MRPS6: variants seen among roughly 807,000 people sequenced by gnomAD.
MRPS6 encodes the protein small ribosomal subunit protein bS6m.
MRPS6 carries 6 observed loss-of-function variants against 13.1 expected under a neutral mutation model. The ratio of observed to expected loss-of-function variants is 0.46; its 90% CI spans 0.25 to 0.91. The LOEUF (loss-of-function observed/expected upper bound fraction) is 0.91. MRPS6 is among the 40% of genes least tolerant of loss of function. The pLI, the probability that MRPS6 is intolerant of heterozygous loss-of-function variation, is 0.18. For missense variants in MRPS6, 164 were observed against 155.6 expected (o/e 1.05, Z -0.29); for synonymous variants, 61 against 56.5 (o/e 1.08, Z -0.36).
chr21:34,127,549 G>C (rs1980351015), intron 2 of MRPS6, among the ~76,000 whole-genome samples: 1 of 152,220 alleles, frequency 6.6e-6, no homozygotes, highest in African/African-American at 2.4e-5. Flanking sequence ...TAATACTCGT[G>C]AACATTCTCC....
intron 1 of MRPS6, chr21:34,104,094 A>G: frequency 1.0e-6 from 1 of 999,928 alleles, no homozygotes; most frequent in South Asian, 4.7e-5. Flanking sequence ...TTTTTTGTGT[A>G]CGTTTGTATG....
At chr21:34,095,264 C>T in intron 1 of MRPS6, 1 of 1,614,080 alleles carries the variant, frequency 6.2e-7, no homozygotes, top group Non-Finnish European at 8.5e-7. Context: ...TGGTCATGTG[C>T]ATTGGTTTTT....
At chr21:34,132,673 C>G (rs1283276623) in intron 2 of MRPS6, among the ~76,000 whole-genome samples, 1 of 152,130 alleles carries the variant, frequency 6.6e-6, no homozygotes, top group Non-Finnish European at 1.5e-5. Flanking sequence ...GGTCTGGAGT[C>G]CGGAGCTTGA....
intron 1 of MRPS6, chr21:34,095,772 A>T: frequency 6.2e-7 from 1 of 1,614,036 alleles, no homozygotes; most frequent in Non-Finnish European, 8.5e-7. Flanking sequence ...GGCTCTGCTC[A>T]TGATCATTGG....
At chr21:34,094,065 G>A (rs1486497895) in intron 1 of MRPS6, among the ~76,000 whole-genome samples, 2 of 152,074 alleles carry the variant, frequency 1.3e-5, no homozygotes, top group Non-Finnish European at 2.9e-5. Flanking sequence ...AGGTTGTTTT[G>A]GAAATACTGC....
intron 1 of MRPS6, chr21:34,100,819 G>A (rs933711932): frequency 1.0e-6 from 1 of 1,000,062 alleles, no homozygotes; most frequent in African/African-American, 1.7e-5. Flanking sequence ...AATATCATTT[G>A]GTGTGGCCTG....
intron 1 of MRPS6, among the ~76,000 whole-genome samples, chr21:34,106,727 A>G (rs1310708921): frequency 1.3e-5 from 2 of 152,316 alleles, no homozygotes; most frequent in Middle Eastern, 3.4e-3. Context: ...TTTCTTAAGA[A>G]CAGTCACTCA....
intron 1 of MRPS6, chr21:34,100,594 C>CTCTTAGGGATGG: frequency 1.0e-6 from 1 of 1,000,212 alleles, no homozygotes; most frequent in African/African-American, 1.7e-5. Flanking sequence ...GTAGCCATAG[C>CTCTTAGGGATGG]TCTTAGGGAT....
chr21:34,104,054 T>A (rs1480924003), intron 1 of MRPS6: 2 of 1,000,012 alleles, frequency 2.0e-6, no homozygotes, highest in African/African-American at 3.5e-5. Flanking sequence ...AGTCATACTT[T>A]AACAGGGCAA....
At chr21:34,101,202 T>C (rs1979221123) in intron 1 of MRPS6, 3 of 1,000,112 alleles carry the variant, frequency 3.0e-6, no homozygotes, top group Non-Finnish European at 3.6e-6. Flanking sequence ...ACAACAAATA[T>C]TAGCTTAAAA....
At chr21:34,129,606 C>T (rs1178144832) in intron 2 of MRPS6, among the ~76,000 whole-genome samples, 1 of 152,200 alleles carries the variant, frequency 6.6e-6, no homozygotes, top group Non-Finnish European at 1.5e-5. Flanking sequence ...AAATAACCAG[C>T]TCCATGGTGA....
chr21:34,095,618 G>A (rs746392853), intron 1 of MRPS6: 10 of 1,613,642 alleles, frequency 6.2e-6, no homozygotes, highest in South Asian at 1.1e-5. Context: ...CCAAGCTCTC[G>A]GTGGATCTGT....
intron 1 of MRPS6, chr21:34,103,121 A>G: frequency 1.0e-6 from 1 of 1,000,124 alleles, no homozygotes; most frequent in Non-Finnish European, 1.2e-6. Context: ...GCTTATTGCT[A>G]TTGCAGAAAT....
At chr21:34,092,139 T>TAA (rs1556004198) in intron 1 of MRPS6, among the ~76,000 whole-genome samples, 2 of 150,834 alleles carry the variant, frequency 1.3e-5, no homozygotes, top group Non-Finnish European at 1.5e-5. Flanking sequence ...TATATATATA[T>TAA]AACATACTGT....
chr21:34,133,815 G>A (rs924764244), intron 2 of MRPS6, among the ~76,000 whole-genome samples: 8 of 152,226 alleles, frequency 5.3e-5, no homozygotes, highest in Non-Finnish European at 1.2e-4. Context: ...AGAGGCGGGA[G>A]CTCAGAGAAA....
intron 1 of MRPS6, among the ~76,000 whole-genome samples, chr21:34,108,310 A>G (rs1011381896): frequency 7.2e-5 from 11 of 151,988 alleles, no homozygotes; most frequent in African/African-American, 2.4e-4. Context: ...GACCTTTTCT[A>G]TGTTTAGATG....
intron 1 of MRPS6, among the ~76,000 whole-genome samples, chr21:34,120,858 G>A (rs1010452563): frequency 6.6e-6 from 1 of 152,206 alleles, no homozygotes; most frequent in East Asian, 1.9e-4. Context: ...TTGCCTCAGT[G>A]TTACAGTTAC....
chr21:34,137,341 A>T (rs2123274147), intron 2 of MRPS6, among the ~76,000 whole-genome samples: 1 of 152,288 alleles, frequency 6.6e-6, no homozygotes, highest in East Asian at 1.9e-4. Flanking sequence ...TGTTTCTTTC[A>T]GCAGCGTTTT....
At chr21:34,098,440 C>T in intron 1 of MRPS6, 7 of 999,718 alleles carry the variant, frequency 7.0e-6, no homozygotes, top group Non-Finnish European at 8.4e-6. Context: ...TATCTTATTG[C>T]ATCCTTGATA....
Sources: gnomAD v4.1 joint callset for allele counts (sites outside exome capture counted in the v4.1 genomes callset) on GRCh38, gnomAD v4.1.1 for gene constraint, MANE v1.5 for transcripts, NCBI Gene and HGNC (gene_info 2026-07-23, HGNC 2026-07-21) for gene names.